DNAJC6: variants seen among roughly 807,000 people sequenced by gnomAD.
The protein encoded by DNAJC6 is auxilin.
In DNAJC6, 34 loss-of-function variants were observed where a neutral mutation model predicts 110.0. That is an observed-to-expected ratio of 0.31 (90% CI 0.24 to 0.41). DNAJC6 has a LOEUF of 0.41. Ranked by LOEUF, DNAJC6 falls within the 10% of genes least tolerant of loss-of-function variation. The pLI is 1.00. For synonymous variants in DNAJC6, 406 were observed against 437.2 expected (o/e 0.93, Z 0.89); for missense variants, 1,031 against 1,207.8 (o/e 0.85, Z 2.17).
exon 1 of DNAJC6, chr1:65,264,854 G>T: frequency 1.2e-6 from 2 of 1,609,554 alleles, no homozygotes; most frequent in South Asian, 1.1e-5. Flanking sequence ...CAAAAGTCAG[G>T]GTTGCAGAAT....
At chr1:65,331,071 T>A (rs1218416614) in intron 1 of DNAJC6, among the ~76,000 whole-genome samples, 1 of 152,208 alleles carries the variant, frequency 6.6e-6, no homozygotes, top group Non-Finnish European at 1.5e-5. Context: ...GGAAATGTAG[T>A]CTTTTATTCT....
upstream of DNAJC6, chr1:65,309,490 C>A: frequency 8.6e-7 from 1 of 1,162,690 alleles, no homozygotes; most frequent in Non-Finnish European, 1.1e-6. Flanking sequence ...CCAGAGGACG[C>A]GCGCCCCCGC....
intron 7 of DNAJC6, 93 bp from the exon 8 acceptor site, chr1:65,386,719 T>A (rs918159252): frequency 8.8e-6 from 10 of 1,132,470 alleles, no homozygotes; most frequent in Non-Finnish European, 1.3e-5. Context: ...CGAACAGTCC[T>A]CTGGGCCAGA....
intron 4 of DNAJC6, among the ~76,000 whole-genome samples, chr1:65,376,897 G>A (rs1209065829): frequency 1.3e-5 from 2 of 152,182 alleles, no homozygotes; most frequent in African/African-American, 4.8e-5. Context: ...AGCCTCCTGA[G>A]TAGCTGGGAT....
intron 1 of DNAJC6, among the ~76,000 whole-genome samples, chr1:65,266,145 GCT>G (rs1209638105): frequency 6.6e-6 from 1 of 152,250 alleles, no homozygotes. Context: ...AGGCCCCAAA[GCT>G]CTCTGCGCGC....
At chr1:65,378,433 T>G (rs1645787767) in intron 4 of DNAJC6, among the ~76,000 whole-genome samples, 1 of 152,230 alleles carries the variant, frequency 6.6e-6, no homozygotes, top group Non-Finnish European at 1.5e-5. Flanking sequence ...ATTATCACTC[T>G]GGGTGTGTCA....
At chr1:65,309,105 G>A (rs1391831171), upstream of DNAJC6, among the ~76,000 whole-genome samples, 1 of 152,050 alleles carries the variant, frequency 6.6e-6, no homozygotes, top group Non-Finnish European at 1.5e-5. Flanking sequence ...GTGAAAATAG[G>A]CTAAGTTGCA....
chr1:65,281,460 T>C (rs1461501096), intron 1 of DNAJC6, among the ~76,000 whole-genome samples: 2 of 152,138 alleles, frequency 1.3e-5, no homozygotes, highest in Non-Finnish European at 2.9e-5. Flanking sequence ...CACTAATCTA[T>C]TTGTCCCTGC....
At chr1:65,335,879 C>A (rs6588131) in intron 1 of DNAJC6, among the ~76,000 whole-genome samples, 80,962 of 151,858 alleles carry the variant, frequency 0.53, 22,042 homozygotes, top group African/African-American at 0.61. Flanking sequence ...CTTTATGAAC[C>A]ACACCTTAGG....
At chr1:65,290,693 T>C (rs2101225710) in intron 1 of DNAJC6, among the ~76,000 whole-genome samples, 1 of 152,338 alleles carries the variant, frequency 6.6e-6, no homozygotes, top group African/African-American at 2.4e-5. Context: ...GCATTTGAAC[T>C]TAATTTCTTT....
At chr1:65,378,176 A>C (rs1645784868) in intron 4 of DNAJC6, among the ~76,000 whole-genome samples, 1 of 151,588 alleles carries the variant, frequency 6.6e-6, no homozygotes, top group Non-Finnish European at 1.5e-5. Flanking sequence ...CTCCTCACCA[A>C]CCTCCTGACT....
intron 1 of DNAJC6, among the ~76,000 whole-genome samples, chr1:65,284,453 C>T (rs1471527453): frequency 5.9e-5 from 9 of 152,104 alleles, no homozygotes; most frequent in Admixed American, 5.2e-4. Context: ...TCAGAGTGTC[C>T]TTAATGGAAC....
chr1:65,393,823 C>G (rs1305904765), intron 12 of DNAJC6, among the ~76,000 whole-genome samples: 1 of 151,976 alleles, frequency 6.6e-6, no homozygotes, highest in Non-Finnish European at 1.5e-5. Context: ...CATTTTTTTT[C>G]CCCAAGCGTA....
chr1:65,394,752 C>A, intron 12 of DNAJC6, 146 bp from the exon 13 acceptor site: 2 of 846,084 alleles, frequency 2.4e-6, no homozygotes, highest in Non-Finnish European at 3.3e-6. Context: ...GTAGTTCATC[C>A]AACAGGTAAG....
chr1:65,277,051 A>C (rs1404421307), intron 1 of DNAJC6, among the ~76,000 whole-genome samples: 1 of 152,138 alleles, frequency 6.6e-6, no homozygotes, highest in African/African-American at 2.4e-5. Context: ...AGATGTTTAA[A>C]AATTTTATCT....
chr1:65,268,601 T>C (rs772882728), intron 1 of DNAJC6, among the ~76,000 whole-genome samples: 1 of 152,216 alleles, frequency 6.6e-6, no homozygotes, highest in Non-Finnish European at 1.5e-5. Flanking sequence ...GGCAGAGCCA[T>C]GATTCAAAAT....
At chr1:65,300,273 T>G (rs1020847857) in intron 1 of DNAJC6, among the ~76,000 whole-genome samples, 11 of 152,160 alleles carry the variant, frequency 7.2e-5, no homozygotes, top group African/African-American at 2.4e-4. Flanking sequence ...TGTTTCATTG[T>G]GAATGTCTTC....
chr1:65,336,884 A>C (rs1645342104), intron 1 of DNAJC6, among the ~76,000 whole-genome samples: 1 of 152,164 alleles, frequency 6.6e-6, no homozygotes, highest in African/African-American at 2.4e-5. Context: ...TTAAGTGGGA[A>C]TCTTATTTTT....
At chr1:65,365,147 G>T (rs1038804029) in intron 2 of DNAJC6, among the ~76,000 whole-genome samples, 1 of 152,108 alleles carries the variant, frequency 6.6e-6, no homozygotes, top group Non-Finnish European at 1.5e-5. Flanking sequence ...TCTTTGGGTT[G>T]TTTAGGGATT....
Sources: allele counts gnomAD v4.1 joint callset (sites outside exome capture counted in the v4.1 genomes callset), GRCh38; gene constraint gnomAD v4.1.1; transcripts MANE v1.5; gene names NCBI Gene and HGNC (gene_info 2026-07-23, HGNC 2026-07-21).